Variants in DCHS2 observed in about 807,000 individuals in gnomAD.
The protein encoded by DCHS2 is dachsous cadherin-related 2, also known as protocadherin-23.
A neutral mutation model predicts 182.4 loss-of-function variants in DCHS2; 142 were observed. That is an observed-to-expected ratio of 0.78 (90% CI 0.68 to 0.89). DCHS2 has a LOEUF of 0.89. Ranked by LOEUF, DCHS2 falls within the 40% of genes least tolerant of loss-of-function variation. The probability of loss-of-function intolerance (pLI) is 0.00; values close to 1 mark genes in which losing one functional copy is unlikely to be tolerated. For missense variants in DCHS2, 4,319 were observed against 4,198.6 expected (o/e 1.03, Z -0.79); for synonymous variants, 1,740 against 1,663.3 (o/e 1.05, Z -1.12).
chr4:154,381,809 T>A (rs1227580167), intron 1 of DCHS2, among the ~76,000 whole-genome samples: 1 of 152,086 alleles, frequency 6.6e-6, no homozygotes, highest in Non-Finnish European at 1.5e-5. Context: ...GGAAAAACAT[T>A]CCATGCTCAT....
intron 1 of DCHS2, among the ~76,000 whole-genome samples, chr4:154,382,877 G>T (rs1365429384): frequency 6.6e-6 from 1 of 152,100 alleles, no homozygotes; most frequent in East Asian, 1.9e-4. Flanking sequence ...GAAGAAAAGT[G>T]GACACTTAAA....
chr4:154,361,267 C>T (rs1367646654), intron 3 of DCHS2, among the ~76,000 whole-genome samples: 3 of 152,088 alleles, frequency 2.0e-5, no homozygotes, highest in Admixed American at 6.6e-5. Flanking sequence ...AACCTCAAAC[C>T]TTGGCATTAT....
chr4:154,374,002 CAAAAAAAA>C (rs35401379), intron 2 of DCHS2: 372 of 595,960 alleles, frequency 6.2e-4, no homozygotes, highest in Middle Eastern at 1.0e-3. Flanking sequence ...ATTTTAATAG[CAAAAAAAA>C]AAAAAAAAAA....
At chr4:154,302,938 C>CACACATATATATGAAATAGATATACGTAT (rs1735270405) in intron 12 of DCHS2, among the ~76,000 whole-genome samples, 2 of 10,514 alleles carry the variant, frequency 1.9e-4, no homozygotes, top group East Asian at 0.013. Flanking sequence ...TATACGTATA[C>CACACATATATATGAAATAGATATACGTAT]ACACACACAC....
chr4:154,473,925 A>G (rs1735581769), intron 1 of DCHS2, among the ~76,000 whole-genome samples: 1 of 152,230 alleles, frequency 6.6e-6, no homozygotes. Context: ...ACCACAAACT[A>G]ACTGGCTTGA....
At chr4:154,240,023 A>G (rs920386042) in intron 18 of DCHS2, among the ~76,000 whole-genome samples, 11 of 152,172 alleles carry the variant, frequency 7.2e-5, no homozygotes, top group Non-Finnish European at 1.5e-4. Context: ...CATTTGCTAC[A>G]TTCAAAAGTT....
At chr4:154,321,533 G>T (rs990459851) in intron 8 of DCHS2, among the ~76,000 whole-genome samples, 6 of 152,138 alleles carry the variant, frequency 3.9e-5, no homozygotes, top group Non-Finnish European at 8.8e-5. Context: ...CAATGGGAAT[G>T]CAGGGTAGCT....
intron 3 of DCHS2, among the ~76,000 whole-genome samples, chr4:154,358,975 TAAATA>T (rs1479851273): frequency 1.3e-5 from 2 of 151,700 alleles, no homozygotes; most frequent in African/African-American, 4.8e-5. Flanking sequence ...AATAAAATCA[TAAATA>T]AAATGAATAA....
chr4:154,425,859 T>A (rs540365213), intron 1 of DCHS2, among the ~76,000 whole-genome samples: 1 of 152,330 alleles, frequency 6.6e-6, no homozygotes, highest in South Asian at 2.1e-4. Context: ...GTCTGAGAGC[T>A]GTTCTGGCCC....
chr4:154,457,604 C>A (rs561092795), intron 1 of DCHS2, among the ~76,000 whole-genome samples: 3 of 152,190 alleles, frequency 2.0e-5, no homozygotes, highest in African/African-American at 7.2e-5. Flanking sequence ...ATCCAACAAC[C>A]AGCAGCAGTA....
At chr4:154,378,070 G>C (rs1441423953) in intron 1 of DCHS2, among the ~76,000 whole-genome samples, 2 of 152,112 alleles carry the variant, frequency 1.3e-5, no homozygotes, top group Non-Finnish European at 1.5e-5. Flanking sequence ...GGTGCCTGTA[G>C]GTACATGGGG....
intron 1 of DCHS2, among the ~76,000 whole-genome samples, chr4:154,417,749 A>AAG (rs1732935884): frequency 6.6e-6 from 1 of 152,188 alleles, no homozygotes; most frequent in Non-Finnish European, 1.5e-5. Context: ...TTGTCTTAGG[A>AAG]AGACCTGGAA....
At position 154,269,991 on chromosome 4, in the gene DCHS2, T is replaced by C. The variant is rs1343909716; in HGVS notation, c.6486A>G (p.Lys2162=). ...CCTGAATTGAGTCAGGAGCAAAAGC[T>C]TTAACAGTCACAATAGAAGTACCTG... ...CEAGTSIVTV[K]AFAPDSIQDS... is the part of the protein sequence containing the mutation. The change falls in exon 14 of 20, where the codon AAA becomes AAG. Residue 2162 remains lysine, a synonymous_variant. Coordinates refer to ENST00000357232, the MANE Select transcript of DCHS2 (RefSeq NM_001358235.2). 1 of 1,610,540 alleles carries C rather than the reference T, an allele frequency of 6.2e-7. No individual in the cohort carries two copies. The highest frequency in any genetic ancestry group is 1.1e-5 in the South Asian group (1 of 90,448).
intron 1 of DCHS2, among the ~76,000 whole-genome samples, chr4:154,471,333 A>C (rs1735459457): frequency 6.6e-6 from 1 of 152,220 alleles, no homozygotes; most frequent in Non-Finnish European, 1.5e-5. Flanking sequence ...ATTGCAGCAT[A>C]GGTCTGAAAT....
intron 1 of DCHS2, among the ~76,000 whole-genome samples, chr4:154,422,092 CT>C (rs35136438): frequency 1.1e-4 from 17 of 152,068 alleles, no homozygotes; most frequent in Admixed American, 4.6e-4. Flanking sequence ...TCTAAATATC[CT>C]TTTTCAGTCT....
intron 7 of DCHS2, among the ~76,000 whole-genome samples, chr4:154,324,279 T>C (rs1388490383): frequency 6.6e-6 from 1 of 152,226 alleles, no homozygotes; most frequent in Non-Finnish European, 1.5e-5. Flanking sequence ...TTCCCGGGTC[T>C]CTTTCCATGA....
chr4:154,488,737 C>T (rs61292230), intron 1 of DCHS2, among the ~76,000 whole-genome samples: 25,398 of 151,718 alleles, frequency 0.17, 2,568 homozygotes, highest in Admixed American at 0.28. Flanking sequence ...ACCCCATCTC[C>T]ACTAAAAAAA....
chr4:154,484,530 A>G (rs751449707), intron 1 of DCHS2, among the ~76,000 whole-genome samples: 3 of 152,194 alleles, frequency 2.0e-5, no homozygotes, highest in Non-Finnish European at 4.4e-5. Flanking sequence ...TCCTATCCCC[A>G]TGGATTACAT....
chr4:154,431,403 A>G (rs921908848), intron 1 of DCHS2, among the ~76,000 whole-genome samples: 2 of 152,076 alleles, frequency 1.3e-5, no homozygotes, highest in African/African-American at 2.4e-5. Flanking sequence ...CAGCACTAAC[A>G]TATACTTTTC....
Sources: gnomAD v4.1 joint callset for allele counts (sites outside exome capture counted in the v4.1 genomes callset) on GRCh38, gnomAD v4.1.1 for gene constraint, MANE v1.5 for transcripts, NCBI Gene and HGNC (gene_info 2026-07-23, HGNC 2026-07-21) for gene names.